Variants in JAM3 observed in about 807,000 individuals in gnomAD.
The protein encoded by JAM3 is junctional adhesion molecule 3.
In JAM3, 31 loss-of-function variants were observed where a neutral mutation model predicts 39.4. That is an observed-to-expected ratio of 0.79 (90% CI 0.59 to 1.06). The LOEUF (loss-of-function observed/expected upper bound fraction) is 1.06. Among genes scored for constraint, JAM3 ranks in the 50% least tolerant of loss-of-function variants. The pLI is 0.00. For synonymous variants in JAM3, 182 were observed against 148.7 expected (o/e 1.22, Z -1.63); for missense variants, 455 against 391.4 (o/e 1.16, Z -1.37).
chr11:134,099,159 C>T (rs115108417), intron 1 of JAM3, among the ~76,000 whole-genome samples: 1,708 of 152,174 alleles, frequency 0.011, 34 homozygotes, highest in African/African-American at 0.038. Context: ...TGTGATCATG[C>T]CACTGTACTC....
intron 1 of JAM3, among the ~76,000 whole-genome samples, chr11:134,135,362 C>T (rs1285992827): frequency 6.6e-6 from 1 of 152,142 alleles, no homozygotes; most frequent in African/African-American, 2.4e-5. Flanking sequence ...CTGTTCTATA[C>T]CTTTGATCTG....
chr11:134,092,902 A>G (rs71486982), intron 1 of JAM3, among the ~76,000 whole-genome samples: 9,264 of 143,566 alleles, frequency 0.065, 185 homozygotes, highest in Admixed American at 0.09. Flanking sequence ...AACCCTCCTT[A>G]TTCATCATGT....
intron 1 of JAM3, among the ~76,000 whole-genome samples, chr11:134,134,191 G>A (rs1942818738): frequency 6.6e-6 from 1 of 152,096 alleles, no homozygotes; most frequent in African/African-American, 2.4e-5. Flanking sequence ...TGAAGGCACA[G>A]AGAGAAAGAT....
chr11:134,137,357 A>C (rs1004582149), intron 1 of JAM3, among the ~76,000 whole-genome samples: 2 of 152,162 alleles, frequency 1.3e-5, no homozygotes, highest in African/African-American at 4.8e-5. Context: ...TATTTCCACC[A>C]TTTTGACCAA....
intron 1 of JAM3, among the ~76,000 whole-genome samples, chr11:134,135,895 C>G (rs1055555992): frequency 1.3e-5 from 2 of 151,944 alleles, no homozygotes; most frequent in Non-Finnish European, 2.9e-5. Flanking sequence ...GTGGTGAAAC[C>G]CCATCTCTAC....
chr11:134,094,946 G>A (rs1591778525), intron 1 of JAM3, among the ~76,000 whole-genome samples: 3 of 152,338 alleles, frequency 2.0e-5, no homozygotes, highest in Middle Eastern at 3.4e-3. Flanking sequence ...TGAGGAAATA[G>A]GCAGCAGTCT....
chr11:134,140,270 C>T (rs577194477), intron 2 of JAM3, among the ~76,000 whole-genome samples: 3 of 152,260 alleles, frequency 2.0e-5, no homozygotes, highest in African/African-American at 7.2e-5. Context: ...TACAGGCACC[C>T]GCCACCACAC....
chr11:134,090,026 C>T (rs369140121), intron 1 of JAM3, among the ~76,000 whole-genome samples: 3 of 152,174 alleles, frequency 2.0e-5, no homozygotes, highest in African/African-American at 2.4e-5. Context: ...TGGTATCTCA[C>T]TGTGGTTTTG....
intron 1 of JAM3, among the ~76,000 whole-genome samples, chr11:134,081,718 C>A (rs113563068): frequency 0.047 from 7,172 of 152,226 alleles, 630 homozygotes; most frequent in African/African-American, 0.16. Flanking sequence ...GGGGTCAGAT[C>A]CCCTACACAG....
chr11:134,072,680 G>A (rs931172152), intron 1 of JAM3, among the ~76,000 whole-genome samples: 1 of 151,544 alleles, frequency 6.6e-6, no homozygotes, highest in Non-Finnish European at 1.5e-5. Context: ...GGGAAGCCGA[G>A]GTGGGCGGAT....
At chr11:134,141,466 G>A (rs1942971572) in intron 3 of JAM3, among the ~76,000 whole-genome samples, 1 of 151,910 alleles carries the variant, frequency 6.6e-6, no homozygotes. Context: ...AGGGGGGAGA[G>A]GGGCTGGAGA....
Position 134,138,196 on chromosome 11 carries a change from A to C in JAM3, c.77-1655A>C, listed in dbSNP as rs898042294. ...GCGTCTCGTCGAAGTCGTGGTGCTCATACTGAGAGAAATGTTTATGGCCAA... is the reference window on the plus strand; with the variant it reads ...GCGTCTCGTCGAAGTCGTGGTGCTCCTACTGAGAGAAATGTTTATGGCCAA... On this transcript the variant is annotated intron_variant, in intron 1 of 8. Transcript: ENST00000299106. Among the ~76,000 whole-genome samples the C allele has an allele frequency of 5.5e-4, 68 of 123,906 alleles. 4 individuals carry two copies. Among genetic ancestry groups the C allele is most frequent in the African/African-American group, 2.1e-3 (58 of 27,054 alleles). 81.3% of individuals were successfully genotyped at this position (123,906 alleles called of 152,430 possible). A position where few individuals can be genotyped will look rare whatever the true frequency, so the allele number is the denominator to read the frequency against.
At chr11:134,146,645 T>G (rs1348630853) in intron 6 of JAM3, among the ~76,000 whole-genome samples, 2 of 152,102 alleles carry the variant, frequency 1.3e-5, no homozygotes, top group African/African-American at 4.8e-5. Context: ...CACAGGTCAC[T>G]GCATCCTCAA....
At chr11:134,145,423 G>A (rs1943054276) in intron 5 of JAM3, 2 of 324,806 alleles carry the variant, frequency 6.2e-6, no homozygotes, top group South Asian at 5.7e-5. Flanking sequence ...TGGATAAAAG[G>A]TGTTTGGAAT....
intron 1 of JAM3, among the ~76,000 whole-genome samples, chr11:134,102,340 C>T (rs559063359): frequency 7.2e-5 from 11 of 152,236 alleles, no homozygotes; most frequent in African/African-American, 1.7e-4. Context: ...ACAGAAAGGA[C>T]ATCCACACCA....
In JAM3 at chr11:134,079,965, G is replaced by A. The variant is rs543550124; in HGVS notation, c.76+10806G>A. On this transcript the variant is annotated intron_variant, in intron 1 of 8. Transcript: ENST00000299106. ...TTGGAAAAATTTATTCAGAACCCTC[G>A]TTTTTGTTTGTTTGTTTTGTTTTGT... 4.0e-5 allele frequency among the ~76,000 whole-genome samples: 6 copies of A among 148,508 alleles called. No homozygotes were observed. The South Asian group carries it at 6.3e-4, about 16-fold the overall frequency.
At chr11:134,117,822 T>C (rs1490652983) in intron 1 of JAM3, among the ~76,000 whole-genome samples, 3 of 152,186 alleles carry the variant, frequency 2.0e-5, no homozygotes, top group African/African-American at 7.2e-5. Context: ...TGAAGAAGGG[T>C]GATCACTCCT....
Position 134,080,636 on chromosome 11 carries a change from C to T in JAM3, c.76+11477C>T, listed in dbSNP as rs559806766. Among the ~76,000 whole-genome samples, 19 of 152,264 alleles carry T rather than the reference C, an allele frequency of 1.2e-4. 1 individual carries two copies. The highest frequency in any genetic ancestry group is 4.1e-4 in the South Asian group (2 of 4,826). On this transcript the variant is annotated intron_variant, in intron 1 of 8. Coordinates refer to ENST00000299106, the MANE Select transcript of JAM3 (RefSeq NM_032801.5). Reference sequence around the variant, plus strand: ...CGTGATTGTGAGGCCTCCCCAACCACGTGGAACTGTTTAAGTCTAATAAAC... The same window carrying T: ...CGTGATTGTGAGGCCTCCCCAACCATGTGGAACTGTTTAAGTCTAATAAAC...
rs190681390 is a variant in JAM3, at chr11:134,147,843, G to A, written c.713-704G>A. 5 of 153,594 alleles carry A rather than the reference G, an allele frequency of 3.3e-5. No homozygotes were observed. The East Asian group carries it at 7.7e-4, about 24-fold the overall frequency. The allele number at this position is 153,594 out of a possible 1,614,324, so 9.5% of individuals were successfully genotyped here. A position where few individuals can be genotyped will look rare whatever the true frequency, so the allele number is the denominator to read the frequency against. Reference sequence around the variant, plus strand: ...TGAGAACCAATACACTAGGATAAAGGAGATTTTTTTAAAACTTCCAAGTTA... The same window carrying A: ...TGAGAACCAATACACTAGGATAAAGAAGATTTTTTTAAAACTTCCAAGTTA... On this transcript the variant is annotated intron_variant, in intron 6 of 8. Coordinates refer to ENST00000299106, the MANE Select transcript of JAM3 (RefSeq NM_032801.5).
Sources: allele counts gnomAD v4.1 joint callset (sites outside exome capture counted in the v4.1 genomes callset), GRCh38; gene constraint gnomAD v4.1.1; transcripts MANE v1.5; gene names NCBI Gene and HGNC (gene_info 2026-07-23, HGNC 2026-07-21).